The following ACSL3 variants were observed in gnomAD, a reference collection of about 807,000 sequenced individuals.
ACSL3 encodes the protein fatty acid CoA ligase Acsl3.
A neutral mutation model predicts 84.7 loss-of-function variants in ACSL3; 34 were observed. That is an observed-to-expected ratio of 0.40 (90% CI 0.31 to 0.53). The LOEUF is 0.53. Among genes scored for constraint, ACSL3 ranks in the 20% least tolerant of loss-of-function variants. The pLI, the probability that ACSL3 is intolerant of heterozygous loss-of-function variation, is 0.48. For synonymous variants in ACSL3, 315 were observed against 299.4 expected (o/e 1.05, Z -0.54); for missense variants, 680 against 873.1 (o/e 0.78, Z 2.79).
intron 1 of ACSL3, among the ~76,000 whole-genome samples, chr2:222,862,957 G>A (rs1405490463): frequency 6.6e-6 from 1 of 152,202 alleles, no homozygotes; most frequent in Non-Finnish European, 1.5e-5. Context: ...TGTCTGGTTT[G>A]GGGTGAGAAT....
At chr2:222,926,796 C>T (rs192187157) in intron 11 of ACSL3, among the ~76,000 whole-genome samples, 43 of 152,248 alleles carry the variant, frequency 2.8e-4, no homozygotes, top group African/African-American at 1.0e-3. Flanking sequence ...ATTCGAATAT[C>T]ACTTGAAAAG....
At chr2:222,881,351 T>C (rs533226141) in intron 1 of ACSL3, among the ~76,000 whole-genome samples, 3 of 152,398 alleles carry the variant, frequency 2.0e-5, no homozygotes, top group African/African-American at 7.2e-5. Flanking sequence ...GCCTTCTTGA[T>C]ATATAATAAT....
intron 10 of ACSL3, 61 bp from the exon 11 acceptor site, chr2:222,924,394 TA>T: frequency 7.2e-7 from 1 of 1,383,690 alleles, no homozygotes; most frequent in Non-Finnish European, 9.7e-7. Context: ...AATCTAATGC[TA>T]AGTGAATATG....
chr2:222,934,088 CAA>C (rs1460931225), intron 15 of ACSL3, among the ~76,000 whole-genome samples: 2 of 151,346 alleles, frequency 1.3e-5, no homozygotes, highest in African/African-American at 4.8e-5. Flanking sequence ...CTGATGATAA[CAA>C]AAGAAAAAAA....
chr2:222,930,676 C>G lies in ACSL3; in HGVS notation c.1596C>G (p.Gly532=). ...CCAGGGGTGAAATTCTTATTGGGGGCCAAAGTGTGACAATGGGGTACTACA... is the reference window on the plus strand; with the variant it reads ...CCAGGGGTGAAATTCTTATTGGGGGGCAAAGTGTGACAATGGGGTACTACA... The part of the protein sequence containing the change: ...PHPRGEILIG[G]QSVTMGYYKN... The change falls in exon 14 of 17, where the codon GGC becomes GGG. Residue 532 remains glycine, a synonymous_variant. Coordinates refer to ENST00000357430, the MANE Select transcript of ACSL3 (RefSeq NM_004457.5). 6.2e-7 allele frequency: 1 copy of G among 1,613,912 alleles called. No homozygotes were observed. The highest frequency in any genetic ancestry group is 2.2e-5 in the East Asian group (1 of 44,856).
intron 1 of ACSL3, among the ~76,000 whole-genome samples, chr2:222,886,516 C>T (rs1695725909): frequency 6.6e-6 from 1 of 152,166 alleles, no homozygotes. Context: ...AAAAACTTAG[C>T]TTTTAGCTCT....
At chr2:222,883,111 A>G (rs1252883983) in intron 1 of ACSL3, among the ~76,000 whole-genome samples, 1 of 148,962 alleles carries the variant, frequency 6.7e-6, no homozygotes, top group Non-Finnish European at 1.5e-5. Context: ...TCTGATATGT[A>G]TCCTTCTTTG....
chr2:222,865,655 C>A (rs891234874), intron 1 of ACSL3, among the ~76,000 whole-genome samples: 2 of 152,130 alleles, frequency 1.3e-5, no homozygotes, highest in African/African-American at 4.8e-5. Context: ...AAGTGCAGAG[C>A]AGGCACAGAG....
chr2:222,872,667 A>G (rs2106085757), intron 1 of ACSL3, among the ~76,000 whole-genome samples: 1 of 152,264 alleles, frequency 6.6e-6, no homozygotes, highest in South Asian at 2.1e-4. Context: ...CAGTTGCAGT[A>G]GGTCCTGTGA....
intron 3 of ACSL3, among the ~76,000 whole-genome samples, chr2:222,901,964 A>AAAAAAAAAAAAAAAAAAAG (rs57522671): frequency 1.0e-5 from 1 of 99,456 alleles, no homozygotes; most frequent in African/African-American, 4.1e-5. Context: ...AAAAAAAAAA[A>AAAAAAAAAAAAAAAAAAAG]GAACTCAAAT....
Position 222,908,118 on chromosome 2 carries a change from A to G in ACSL3, c.-40-615A>G, listed in dbSNP as rs1200896783. On this transcript the variant is annotated intron_variant, in intron 3 of 16. Transcript: ENST00000357430. ...CGCAGTGCTTAGAACGATATCTAAC[A>G]TAGTGGATTTTCAATAAATCTGATG... is the stretch of plus-strand genomic sequence containing the variant. 1.3e-5 allele frequency among the ~76,000 whole-genome samples: 2 copies of G among 152,234 alleles called. 1 individual carries two copies. Among genetic ancestry groups the G allele is most frequent in the South Asian group, 4.1e-4 (2 of 4,836 alleles).
chr2:222,862,003 T>C (rs1559271060), intron 1 of ACSL3, among the ~76,000 whole-genome samples: 1 of 152,180 alleles, frequency 6.6e-6, no homozygotes, highest in East Asian at 1.9e-4. Flanking sequence ...GGAAGTCTGA[T>C]ACTAGAAAGT....
At chr2:222,909,841 A>T (rs1696396831) in intron 4 of ACSL3, 1 of 152,184 alleles carries the variant, frequency 6.6e-6, no homozygotes, top group Non-Finnish European at 1.5e-5. Flanking sequence ...TACATATATC[A>T]TCTTAAGACT....
intron 1 of ACSL3, among the ~76,000 whole-genome samples, chr2:222,864,406 A>C (rs1379913621): frequency 6.6e-6 from 1 of 152,132 alleles, no homozygotes; most frequent in Non-Finnish European, 1.5e-5. Flanking sequence ...GAAGAGAAGG[A>C]GGCCTGGGAT....
chr2:222,893,069 G>T (rs1385564247), intron 2 of ACSL3, among the ~76,000 whole-genome samples: 5 of 152,156 alleles, frequency 3.3e-5, no homozygotes, highest in Admixed American at 3.3e-4. Flanking sequence ...TAGTATTGGT[G>T]CCTGAGTGTG....
chr2:222,920,966 C>G (rs754098379), intron 7 of ACSL3: 1 of 499,368 alleles, frequency 2.0e-6, no homozygotes, highest in South Asian at 1.5e-5. Context: ...TTTATTCAGG[C>G]CTTTGCTAAA....
At chr2:222,907,319 A>T (rs1186596767) in intron 3 of ACSL3, among the ~76,000 whole-genome samples, 1 of 152,188 alleles carries the variant, frequency 6.6e-6, no homozygotes, top group Non-Finnish European at 1.5e-5. Flanking sequence ...ATCTATCTAC[A>T]CTTGCCTGGA....
intron 1 of ACSL3, among the ~76,000 whole-genome samples, chr2:222,883,382 C>T (rs1359360773): frequency 6.6e-6 from 1 of 151,850 alleles, no homozygotes; most frequent in South Asian, 2.1e-4. Flanking sequence ...TGGGTTTCTC[C>T]TTATTGGTCA....
intron 1 of ACSL3, among the ~76,000 whole-genome samples, chr2:222,869,412 C>T (rs1275315147): frequency 2.0e-5 from 3 of 152,088 alleles, no homozygotes; most frequent in Non-Finnish European, 1.5e-5. Flanking sequence ...ATTCTTTCTT[C>T]CTCTTTATCC....
Sources: allele counts gnomAD v4.1 joint callset (sites outside exome capture counted in the v4.1 genomes callset), GRCh38; gene constraint gnomAD v4.1.1; transcripts MANE v1.5; gene names NCBI Gene and HGNC (gene_info 2026-07-23, HGNC 2026-07-21).